Variants in GRM5 observed in about 807,000 individuals in gnomAD.
GRM5 encodes the protein glutamate metabotropic receptor 5, also known as metabotropic glutamate receptor 5.
A neutral mutation model predicts 83.1 loss-of-function variants in GRM5; 19 were observed. That is an observed-to-expected ratio of 0.23 (90% CI 0.16 to 0.34). GRM5 has a LOEUF of 0.34. GRM5 is among the 10% of genes least tolerant of loss of function. GRM5 has a pLI of 1.00. For missense variants in GRM5, 1,160 were observed against 1,588.3 expected, an observed-to-expected ratio of 0.73 and a Z score of 4.58; for synonymous variants, 675 against 633.6, an observed-to-expected ratio of 1.07 and a Z score of -0.98.
At chr11:88,936,009 T>C (rs138510903) in intron 2 of GRM5, among the ~76,000 whole-genome samples, 4 of 151,862 alleles carry the variant, frequency 2.6e-5, no homozygotes, top group African/African-American at 9.7e-5. Flanking sequence ...CATATTATTC[T>C]ACAAAGTAAA....
intron 3 of GRM5, among the ~76,000 whole-genome samples, chr11:88,685,418 G>T (rs1289716382): frequency 6.6e-6 from 1 of 152,180 alleles, no homozygotes; most frequent in African/African-American, 2.4e-5. Flanking sequence ...GAGTGTAAAG[G>T]TTCAGGAAAT....
At chr11:88,515,649 A>G (rs538322789) in intron 9 of GRM5, among the ~76,000 whole-genome samples, 8 of 152,350 alleles carry the variant, frequency 5.3e-5, no homozygotes, top group African/African-American at 1.9e-4. Context: ...TCATCCTGAC[A>G]TTTAAGTTCT....
At chr11:88,845,588 G>C (rs1316070055) in intron 3 of GRM5, among the ~76,000 whole-genome samples, 5 of 151,440 alleles carry the variant, frequency 3.3e-5, no homozygotes, top group South Asian at 2.1e-4. Flanking sequence ...CGCACGCCGC[G>C]ACACCCGGCT....
chr11:88,519,728 C>T (rs1328514429), intron 9 of GRM5, among the ~76,000 whole-genome samples: 10 of 152,048 alleles, frequency 6.6e-5, no homozygotes, highest in Admixed American at 6.6e-4. Context: ...GAGCAAACAA[C>T]CATGGTGGCA....
intron 2 of GRM5, among the ~76,000 whole-genome samples, chr11:88,861,135 A>G (rs1199068998): frequency 6.6e-6 from 1 of 152,166 alleles, no homozygotes; most frequent in African/African-American, 2.4e-5. Context: ...TCTATTAGAC[A>G]GTACCACTTT....
chr11:89,035,539 A>G (rs1349065911), intron 2 of GRM5, among the ~76,000 whole-genome samples: 1 of 151,800 alleles, frequency 6.6e-6, no homozygotes, highest in Non-Finnish European at 1.5e-5. Flanking sequence ...ACAAATAATT[A>G]TATTTTTATT....
chr11:88,538,506 A>G (rs939779096), intron 8 of GRM5, among the ~76,000 whole-genome samples: 1 of 152,240 alleles, frequency 6.6e-6, no homozygotes, highest in Admixed American at 6.5e-5. Context: ...TATGGCATTA[A>G]TTAAAAGTTG....
At chr11:88,644,549 A>C (rs1478218867) in intron 4 of GRM5, among the ~76,000 whole-genome samples, 1 of 152,160 alleles carries the variant, frequency 6.6e-6, no homozygotes, top group East Asian at 1.9e-4. Context: ...ACAGCAAGAA[A>C]AAATTCTATT....
intron 2 of GRM5, among the ~76,000 whole-genome samples, chr11:89,023,051 T>C (rs530007560): frequency 6.6e-6 from 1 of 152,234 alleles, no homozygotes; most frequent in Admixed American, 6.5e-5. Flanking sequence ...TATGTTTTTT[T>C]CCAAACAGTG....
At chr11:88,680,857 G>A (rs569870524) in intron 3 of GRM5, among the ~76,000 whole-genome samples, 73 of 152,196 alleles carry the variant, frequency 4.8e-4, no homozygotes, top group Non-Finnish European at 2.9e-5. Context: ...ATTACATAAG[G>A]AATATGGAGA....
At chr11:88,977,037 G>A (rs1276007916) in intron 2 of GRM5, among the ~76,000 whole-genome samples, 2 of 151,522 alleles carry the variant, frequency 1.3e-5, no homozygotes, top group Non-Finnish European at 2.9e-5. Context: ...TTTCTCATGT[G>A]GGGAGATTTA....
At chr11:88,523,017 C>T (rs1381597620) in intron 9 of GRM5, 1 of 152,184 alleles carries the variant, frequency 6.6e-6, no homozygotes, top group Non-Finnish European at 1.5e-5. Context: ...CTCTCTGTCC[C>T]TTTCCCCTCA....
intron 1 of GRM5, among the ~76,000 whole-genome samples, chr11:89,056,618 T>C (rs1469029507): frequency 6.6e-6 from 1 of 152,020 alleles, no homozygotes; most frequent in Non-Finnish European, 1.5e-5. Context: ...TTTTAGATGG[T>C]GGGGATAATA....
chr11:88,732,055 C>T (rs1021211079), intron 3 of GRM5, among the ~76,000 whole-genome samples: 6 of 151,910 alleles, frequency 3.9e-5, no homozygotes, highest in Non-Finnish European at 8.8e-5. Context: ...ATTATTCATC[C>T]AATCCCTCTT....
chr11:88,622,900 T>C (rs1258943623), intron 4 of GRM5, among the ~76,000 whole-genome samples: 2 of 152,198 alleles, frequency 1.3e-5, no homozygotes, highest in Admixed American at 1.3e-4. Context: ...GGGCAAGTTA[T>C]TTACTCTGTC....
intron 3 of GRM5, among the ~76,000 whole-genome samples, chr11:88,656,869 A>C (rs1398791336): frequency 2.0e-5 from 3 of 152,126 alleles, no homozygotes; most frequent in Non-Finnish European, 4.4e-5. Flanking sequence ...AGATGGTTTA[A>C]AGTATAATGG....
intron 5 of GRM5, among the ~76,000 whole-genome samples, chr11:88,599,193 T>C (rs1189000077): frequency 6.6e-6 from 1 of 152,168 alleles, no homozygotes; most frequent in South Asian, 2.1e-4. Flanking sequence ...TGACAAATAG[T>C]AAAAAGTAAA....
At chr11:88,562,712 C>T (rs1180207414) in intron 8 of GRM5, among the ~76,000 whole-genome samples, 1 of 151,986 alleles carries the variant, frequency 6.6e-6, no homozygotes, top group Non-Finnish European at 1.5e-5. Context: ...CTACTAGGTG[C>T]TAACATTTTA....
rs576464431 is a variant in GRM5 at position 88,990,079 on chromosome 11, T to G, written c.661+57133A>C. Among the ~76,000 whole-genome samples the G allele has an allele frequency of 4.0e-5, 6 of 150,540 alleles. No homozygotes were observed. In the South Asian group the frequency reaches 6.4e-4, roughly 16 times the overall value. Reference sequence around the variant, plus strand: ...AAAATTAATGAATCCAGGAGCTGGTTTTTTGAAAGGATCAACAAAATTGAT... The same window carrying G: ...AAAATTAATGAATCCAGGAGCTGGTGTTTTGAAAGGATCAACAAAATTGAT... On this transcript the variant is annotated intron_variant, in intron 2 of 9. Coordinates refer to ENST00000305447, the MANE Select transcript of GRM5 (RefSeq NM_001143831.3).
Sources: gnomAD v4.1 joint callset for allele counts (sites outside exome capture counted in the v4.1 genomes callset) on GRCh38, gnomAD v4.1.1 for gene constraint, MANE v1.5 for transcripts, NCBI Gene and HGNC (gene_info 2026-07-23, HGNC 2026-07-21) for gene names.